The following JDP2 variants were observed in gnomAD, a reference collection of about 807,000 sequenced individuals.
JDP2 encodes Jun dimerization protein 2.
In JDP2, 9 loss-of-function variants were observed where a neutral mutation model predicts 17.1. The observed-to-expected ratio is 0.53, with a 90% CI of 0.32 to 0.92. The LOEUF (loss-of-function observed/expected upper bound fraction) is 0.92, where lower values mean the gene tolerates loss of function less well. Ranked by LOEUF, JDP2 falls within the 40% of genes least tolerant of loss-of-function variation. JDP2 has a pLI of 0.04. For missense variants in JDP2, 179 were observed against 220.0 expected, an observed-to-expected ratio of 0.81 and a Z score of 1.18; for synonymous variants, 107 against 95.6, an observed-to-expected ratio of 1.12 and a Z score of -0.69.
chr14:75,465,547 C>G (rs1036197372), intron 3 of JDP2, among the ~76,000 whole-genome samples: 1 of 152,168 alleles, frequency 6.6e-6, no homozygotes, highest in Admixed American at 6.5e-5. Flanking sequence ...CTAGGCTGGT[C>G]TTGAACTCCT....
intron 2 of JDP2, 27 bp from the exon 3 acceptor site, chr14:75,461,399 C>T: frequency 6.4e-7 from 1 of 1,554,862 alleles, no homozygotes; most frequent in Non-Finnish European, 8.8e-7. Context: ...GCCTCAGTGT[C>T]TAATCAGTGG....
chr14:75,458,161 G>A (rs1374282324), intron 2 of JDP2, among the ~76,000 whole-genome samples: 4 of 151,774 alleles, frequency 2.6e-5, no homozygotes, highest in East Asian at 1.9e-4. Context: ...AAAAAGCAGC[G>A]GATTCTTTTT....
chr14:75,454,842 G>T (rs1038513983), intron 2 of JDP2, among the ~76,000 whole-genome samples: 1 of 152,028 alleles, frequency 6.6e-6, no homozygotes, highest in African/African-American at 2.4e-5. Context: ...GTAGTGGAAG[G>T]TCAGAGAGGC....
chr14:75,429,478 A>C (rs994870881), intron 1 of JDP2, among the ~76,000 whole-genome samples: 5 of 151,996 alleles, frequency 3.3e-5, no homozygotes, highest in African/African-American at 1.2e-4. Flanking sequence ...TTGTACCCAA[A>C]CGTCCTTTAA....
At position 75,442,683 on chromosome 14, in the gene JDP2, C is replaced by T. The variant is rs182188006; in HGVS notation, c.201+4562C>T. Among the ~76,000 whole-genome samples, 55 of 152,320 alleles carry T rather than the reference C, an allele frequency of 3.6e-4. 1 individual carries two copies. In the East Asian group the frequency reaches 8.9e-3, roughly 25 times the overall value. On this transcript the variant is annotated intron_variant, in intron 2 of 3. Coordinates refer to ENST00000651602, the MANE Select transcript of JDP2 (RefSeq NM_001135048.2). ...AAAAATCAAACCAATCATTCCCAAA[C>T]GTGGCTGGTCATCAAAACACCTTGG...
chr14:75,431,059 C>T (rs1359863241), intron 1 of JDP2, among the ~76,000 whole-genome samples: 2 of 151,960 alleles, frequency 1.3e-5, no homozygotes, highest in African/African-American at 4.8e-5. Flanking sequence ...AAGACCAGGG[C>T]GATTATCACA....
chr14:75,457,338 A>G (rs968082473), intron 2 of JDP2, among the ~76,000 whole-genome samples: 1 of 152,238 alleles, frequency 6.6e-6, no homozygotes, highest in Non-Finnish European at 1.5e-5. Flanking sequence ...AAGGAGCCCC[A>G]AGAAGGGCTG....
intron 2 of JDP2, among the ~76,000 whole-genome samples, chr14:75,454,688 A>G (rs538593277): frequency 6.6e-6 from 1 of 152,340 alleles, no homozygotes; most frequent in Non-Finnish European, 1.5e-5. Context: ...AGATAGTAAC[A>G]GGACAGGGCT....
chr14:75,449,623 A>T (rs1885759082), intron 2 of JDP2, among the ~76,000 whole-genome samples: 1 of 152,230 alleles, frequency 6.6e-6, no homozygotes, highest in South Asian at 2.1e-4. Context: ...ACAAGAAAAC[A>T]GATTGATTGC....
chr14:75,453,993 T>C (rs1165861030), intron 2 of JDP2, among the ~76,000 whole-genome samples: 1 of 152,246 alleles, frequency 6.6e-6, no homozygotes, highest in Non-Finnish European at 1.5e-5. Flanking sequence ...AATTTCTCTT[T>C]CTCATTCTGT....
At chr14:75,437,780 A>G (rs1054124060) in intron 1 of JDP2, 118 bp from the exon 2 acceptor site, 5 of 662,122 alleles carry the variant, frequency 7.6e-6, no homozygotes. Context: ...GCTGGGTGGG[A>G]AAGGGATTCA....
At chr14:75,447,192 C>T (rs913824565) in intron 2 of JDP2, among the ~76,000 whole-genome samples, 1 of 152,170 alleles carries the variant, frequency 6.6e-6, no homozygotes, top group Non-Finnish European at 1.5e-5. Flanking sequence ...TAACCTGTAG[C>T]CATTAGCTGA....
intron 1 of JDP2, among the ~76,000 whole-genome samples, chr14:75,429,294 G>T (rs1594940499): frequency 6.6e-6 from 1 of 152,296 alleles, no homozygotes; most frequent in East Asian, 1.9e-4. Context: ...AGGGCATGGG[G>T]CTATGGCCCG....
At chr14:75,455,711 C>T (rs763379650) in intron 2 of JDP2, among the ~76,000 whole-genome samples, 3 of 152,180 alleles carry the variant, frequency 2.0e-5, no homozygotes, top group Non-Finnish European at 4.4e-5. Context: ...CCCTGGGTTC[C>T]AATCATCACT....
chr14:75,438,377 T>A (rs999155743), intron 2 of JDP2, among the ~76,000 whole-genome samples: 2 of 152,048 alleles, frequency 1.3e-5, no homozygotes, highest in Non-Finnish European at 2.9e-5. Flanking sequence ...TTAACCTGTC[T>A]CTGGTTCTCT....
intron 2 of JDP2, among the ~76,000 whole-genome samples, chr14:75,440,068 G>A (rs983432800): frequency 6.6e-6 from 1 of 152,082 alleles, no homozygotes; most frequent in African/African-American, 2.4e-5. Flanking sequence ...TTTGGGTTGG[G>A]TATTTTTACA....
intron 3 of JDP2, among the ~76,000 whole-genome samples, chr14:75,466,639 G>A (rs1356087702): frequency 1.3e-5 from 2 of 152,208 alleles, no homozygotes; most frequent in East Asian, 1.9e-4. Context: ...GGTTTGACAC[G>A]TGGTAATTTC....
chr14:75,467,480 G>A (rs956146478), intron 3 of JDP2, among the ~76,000 whole-genome samples: 2 of 152,202 alleles, frequency 1.3e-5, no homozygotes, highest in African/African-American at 4.8e-5. Flanking sequence ...GGATTCCCCA[G>A]GGCATTCACT....
intron 2 of JDP2, among the ~76,000 whole-genome samples, chr14:75,453,448 A>G (rs1243116041): frequency 6.6e-6 from 1 of 152,176 alleles, no homozygotes; most frequent in Non-Finnish European, 1.5e-5. Context: ...CCCTCTCCGC[A>G]GTACTCCTTT....
Sources: gnomAD v4.1 joint callset for allele counts (sites outside exome capture counted in the v4.1 genomes callset) on GRCh38, gnomAD v4.1.1 for gene constraint, MANE v1.5 for transcripts, NCBI Gene and HGNC (gene_info 2026-07-23, HGNC 2026-07-21) for gene names.